Variants in UST observed in about 807,000 individuals in gnomAD.
The protein encoded by UST is chondroitin sulfate 2-O-sulfotransferase.
In UST, 21 loss-of-function variants were observed where a neutral mutation model predicts 45.6. The observed-to-expected ratio is 0.46, with a 90% CI of 0.33 to 0.66. The LOEUF is 0.66. Among genes scored for constraint, UST ranks in the 30% least tolerant of loss-of-function variants. UST has a pLI of 0.02. For missense variants in UST, 463 were observed against 512.4 expected (o/e 0.90, Z 0.93); for synonymous variants, 215 against 200.6 (o/e 1.07, Z -0.61).
intron 5 of UST, among the ~76,000 whole-genome samples, chr6:149,009,414 A>AT (rs1420582267): frequency 9.2e-5 from 14 of 152,174 alleles, no homozygotes; most frequent in African/African-American, 3.4e-4. Flanking sequence ...ACAGAAACCA[A>AT]TATCTTAAGC....
intron 1 of UST, among the ~76,000 whole-genome samples, chr6:148,821,429 G>A (rs1187243170): frequency 6.6e-6 from 1 of 152,194 alleles, no homozygotes; most frequent in Non-Finnish European, 1.5e-5. Context: ...AGTGCATCAT[G>A]TTAGCAAGTA....
chr6:149,006,900 G>A (rs1001847825), intron 5 of UST, among the ~76,000 whole-genome samples: 1 of 151,988 alleles, frequency 6.6e-6, no homozygotes, highest in Non-Finnish European at 1.5e-5. Flanking sequence ...AGTCAACATC[G>A]TCTCTGTCTT....
intron 1 of UST, among the ~76,000 whole-genome samples, chr6:148,751,048 C>T (rs1430302998): frequency 6.6e-6 from 1 of 152,134 alleles, no homozygotes; most frequent in Non-Finnish European, 1.5e-5. Context: ...GCAATCTGTG[C>T]GTCAGCAAGT....
chr6:149,050,083 T>C (rs913818816), intron 7 of UST, among the ~76,000 whole-genome samples: 1 of 152,160 alleles, frequency 6.6e-6, no homozygotes, highest in African/African-American at 2.4e-5. Flanking sequence ...TTATCTACCA[T>C]ATGAACTACG....
intron 5 of UST, chr6:149,005,159 C>T (rs1781623788): frequency 3.7e-6 from 1 of 269,478 alleles, no homozygotes; most frequent in Non-Finnish European, 5.7e-6. Context: ...ATATGTAAAC[C>T]CAGGCGAAGC....
chr6:148,799,873 G>C (rs1213286917), intron 1 of UST, among the ~76,000 whole-genome samples: 2 of 152,064 alleles, frequency 1.3e-5, no homozygotes, highest in African/African-American at 4.8e-5. Context: ...GCCTGTATGG[G>C]GAAGTAGAAT....
chr6:148,785,790 A>G (rs764431862), intron 1 of UST, among the ~76,000 whole-genome samples: 1 of 152,360 alleles, frequency 6.6e-6, no homozygotes, highest in South Asian at 2.1e-4. Context: ...TAGGAAAAGA[A>G]TACACTCTAA....
intron 1 of UST, among the ~76,000 whole-genome samples, chr6:148,791,266 T>C (rs1240622123): frequency 6.6e-6 from 1 of 152,158 alleles, no homozygotes; most frequent in Non-Finnish European, 1.5e-5. Flanking sequence ...ATGTCAGGAG[T>C]GCTGAGGTTG....
intron 1 of UST, among the ~76,000 whole-genome samples, chr6:148,789,989 CT>C (rs56987468): frequency 0.063 from 8,020 of 127,004 alleles, 278 homozygotes; most frequent in African/African-American, 0.12. Context: ...TTTCAGGATT[CT>C]TTTTTTTTTT....
At chr6:148,886,945 T>C (rs2114843640) in intron 1 of UST, 41 bp from the exon 2 acceptor site, 2 of 1,567,570 alleles carry the variant, frequency 1.3e-6, no homozygotes, top group Non-Finnish European at 1.8e-6. Flanking sequence ...TCATTTGGGA[T>C]TTAAAAAACG....
chr6:148,895,633 T>C (rs1393078546), intron 2 of UST, among the ~76,000 whole-genome samples: 4 of 152,208 alleles, frequency 2.6e-5, no homozygotes, highest in Admixed American at 2.6e-4. Flanking sequence ...GTTTCCTCCA[T>C]ACTGTTCTTG....
chr6:148,813,643 G>A (rs1300760814), intron 1 of UST, among the ~76,000 whole-genome samples: 1 of 152,158 alleles, frequency 6.6e-6, no homozygotes, highest in Non-Finnish European at 1.5e-5. Flanking sequence ...GCCTCCCAAA[G>A]TGCTGGGATT....
At chr6:148,773,867 A>G (rs1023263796) in intron 1 of UST, among the ~76,000 whole-genome samples, 27 of 152,180 alleles carry the variant, frequency 1.8e-4, no homozygotes, top group African/African-American at 6.5e-4. Flanking sequence ...AGAGGAATCA[A>G]ATTGCCAAAT....
chr6:148,988,257 C>T (rs573973397), intron 5 of UST, among the ~76,000 whole-genome samples: 50 of 152,140 alleles, frequency 3.3e-4, no homozygotes, highest in Admixed American at 2.2e-3. Flanking sequence ...CATCATGCAT[C>T]AATTACCTGG....
rs944613088 is a variant in UST at position 148,966,952 on chromosome 6, G to C, written c.681+2389G>C. Among the ~76,000 whole-genome samples the C allele has an allele frequency of 2.2e-4, 33 of 152,100 alleles. 1 individual carries two copies. Among genetic ancestry groups the C allele is most frequent in the Admixed American group, 2.0e-3 (31 of 15,266 alleles). Reference sequence around the variant, plus strand: ...GGGGTTTCACCATGTTGGCCAGGCTGGTCTCGAACTCCTGACCTAAAATGA... The same window carrying C: ...GGGGTTTCACCATGTTGGCCAGGCTCGTCTCGAACTCCTGACCTAAAATGA... On this transcript the variant is annotated intron_variant, in intron 5 of 7. Coordinates refer to ENST00000367463, the MANE Select transcript of UST (RefSeq NM_005715.3).
chr6:148,977,751 CAAAAA>C (rs60475773), intron 5 of UST, among the ~76,000 whole-genome samples: 1 of 88,196 alleles, frequency 1.1e-5, no homozygotes, highest in African/African-American at 4.3e-5. Flanking sequence ...GAATCTGTCT[CAAAAA>C]AAAAAAAAAA....
At chr6:148,897,466 C>A (rs1176084629) in intron 2 of UST, among the ~76,000 whole-genome samples, 2 of 149,232 alleles carry the variant, frequency 1.3e-5, no homozygotes, top group Non-Finnish European at 3.0e-5. Flanking sequence ...AGGCTTGAGC[C>A]ACCAGGCCCA....
chr6:148,747,592 C>T lies in UST; in HGVS notation c.162C>T (p.Thr54=). ...GGGACTACGGCTTCTGCATGGCCAC[C>T]CTGCTGGTCTTCTGCCTGGGCTCCC... ...SLRDYGFCMA[T]LLVFCLGSLL... The change falls in exon 1 of 8, where the codon ACC becomes ACT. Residue 54 remains threonine (T), a synonymous_variant. Transcript: ENST00000367463. 1.3e-6 allele frequency: 2 copies of T among 1,596,496 alleles called. No homozygotes were observed. Among genetic ancestry groups the T allele is most frequent in the South Asian group, 1.1e-5 (1 of 88,038 alleles).
At chr6:149,069,806 A>G (rs966340544) in intron 7 of UST, among the ~76,000 whole-genome samples, 6 of 152,252 alleles carry the variant, frequency 3.9e-5, no homozygotes, top group African/African-American at 7.2e-5. Context: ...CCATTTATAT[A>G]GCAAATCAAC....
Sources: allele counts gnomAD v4.1 joint callset (sites outside exome capture counted in the v4.1 genomes callset), GRCh38; gene constraint gnomAD v4.1.1; transcripts MANE v1.5; gene names NCBI Gene and HGNC (gene_info 2026-07-23, HGNC 2026-07-21).